Variants in MYO18B observed in about 807,000 individuals in gnomAD.
The protein encoded by MYO18B is unconventional myosin-XVIIIb.
A neutral mutation model predicts 273.0 loss-of-function variants in MYO18B; 204 were observed. That is an observed-to-expected ratio of 0.75 (90% CI 0.67 to 0.84). MYO18B has a LOEUF of 0.84. MYO18B is among the 40% of genes least tolerant of loss of function. The pLI is 0.00. For synonymous variants in MYO18B, 1,330 were observed against 1,305.7 expected (o/e 1.02, Z -0.40); for missense variants, 3,212 against 3,287.6 (o/e 0.98, Z 0.56).
intron 39 of MYO18B, among the ~76,000 whole-genome samples, chr22:25,955,676 C>A (rs559774380): frequency 1.3e-5 from 2 of 152,178 alleles, no homozygotes; most frequent in Non-Finnish European, 2.9e-5. Context: ...GGCAGGAAGG[C>A]CTCATACAAA....
intron 7 of MYO18B, among the ~76,000 whole-genome samples, chr22:25,773,715 G>A (rs900814149): frequency 2.6e-5 from 4 of 152,112 alleles, no homozygotes; most frequent in African/African-American, 4.8e-5. Context: ...CGCCCGCCTC[G>A]GCCTCCCAAA....
At chr22:25,907,540 C>T (rs555309991) in intron 31 of MYO18B, among the ~76,000 whole-genome samples, 7 of 152,142 alleles carry the variant, frequency 4.6e-5, no homozygotes, top group South Asian at 2.1e-4. Context: ...CATTCTAAGA[C>T]GGTTGTTTTC....
At chr22:26,003,339 C>T in intron 41 of MYO18B, 30 bp downstream of exon 41, 1 of 1,590,672 alleles carries the variant, frequency 6.3e-7, no homozygotes, top group Non-Finnish European at 8.6e-7. Flanking sequence ...AACTGAGCAG[C>T]TCACAAGGGT....
At chr22:25,810,766 C>T (rs1044366711) in intron 12 of MYO18B, among the ~76,000 whole-genome samples, 2 of 151,946 alleles carry the variant, frequency 1.3e-5, no homozygotes, top group African/African-American at 4.8e-5. Context: ...TTTAGATTTA[C>T]AGAACAATTG....
chr22:25,941,164 A>C (rs1450936708), intron 34 of MYO18B, among the ~76,000 whole-genome samples: 1 of 152,226 alleles, frequency 6.6e-6, no homozygotes, highest in Non-Finnish European at 1.5e-5. Context: ...AAATCAAATC[A>C]GATGTGTTGT....
chr22:25,794,893 C>G (rs1195778054), intron 11 of MYO18B, among the ~76,000 whole-genome samples: 1 of 152,170 alleles, frequency 6.6e-6, no homozygotes, highest in African/African-American at 2.4e-5. Flanking sequence ...CCTTTGAGCC[C>G]CCTCCCAGGC....
At chr22:26,003,387 C>A in intron 41 of MYO18B, 78 bp downstream of exon 41, 2 of 1,244,284 alleles carry the variant, frequency 1.6e-6, no homozygotes, top group Non-Finnish European at 2.3e-6. Context: ...GCAGAGGGAA[C>A]ATCCATGTCC....
Position 25,835,925 on chromosome 22 carries a change from G to A in MYO18B, c.3208+482G>A, listed in dbSNP as rs1419994974. Among the ~76,000 whole-genome samples the A allele has an allele frequency of 4.6e-5, 7 of 152,242 alleles. No homozygotes were observed. The East Asian group carries it at 1.2e-3, about 25-fold the overall frequency. Reference sequence around the variant, plus strand: ...GGTCTTAACCCTAGAGCAACGAGAAGCCATGAAGGATTCCAGGCAGTGGGA... The same window carrying A: ...GGTCTTAACCCTAGAGCAACGAGAAACCATGAAGGATTCCAGGCAGTGGGA... On this transcript the variant is annotated intron_variant, in intron 17 of 43. Coordinates refer to ENST00000335473, the MANE Select transcript of MYO18B (RefSeq NM_032608.7).
intron 1 of MYO18B, among the ~76,000 whole-genome samples, chr22:25,745,156 C>T (rs2085740417): frequency 1.3e-5 from 2 of 152,196 alleles, no homozygotes; most frequent in African/African-American, 4.8e-5. Context: ...ATCACCCAGG[C>T]TGGTGTGCAG....
At chr22:25,789,060 TCTCCTCCTCCTCCTC>T (rs1248591466) in intron 11 of MYO18B, among the ~76,000 whole-genome samples, 2 of 18,306 alleles carry the variant, frequency 1.1e-4, no homozygotes, top group Non-Finnish European at 9.4e-4. Context: ...TTCTTCTCTT[TCTCCTCCTCCTCCTC>T]CTTCTTCTTC....
intron 20 of MYO18B, among the ~76,000 whole-genome samples, chr22:25,848,532 G>T (rs2090327068): frequency 6.6e-6 from 1 of 152,336 alleles, no homozygotes; most frequent in African/African-American, 2.4e-5. Context: ...CACCAGCGCA[G>T]GCTGGGAATG....
At chr22:25,852,833 T>C (rs1324113078) in intron 21 of MYO18B, among the ~76,000 whole-genome samples, 1 of 152,242 alleles carries the variant, frequency 6.6e-6, no homozygotes, top group Non-Finnish European at 1.5e-5. Flanking sequence ...GCTGTGTGAA[T>C]GTAAACTGGT....
rs542691610 is a variant in MYO18B, at chr22:25,895,616, C to T, written c.4668+336C>T. On this transcript the variant is annotated intron_variant, in intron 28 of 43. Transcript: ENST00000335473. Reference sequence around the variant, plus strand: ...TTCTTATCTATTACATAATTATCAGCGGTCTCAAAACCTTCACATTTCCCT... The same window carrying T: ...TTCTTATCTATTACATAATTATCAGTGGTCTCAAAACCTTCACATTTCCCT... 6.4e-5 allele frequency: 12 copies of T among 187,810 alleles called. No homozygotes were observed. In the South Asian group the frequency reaches 1.2e-3, roughly 19 times the overall value. 11.6% of individuals were successfully genotyped at this position (187,810 alleles called of 1,614,324 possible).
the MYO18B span, among the ~76,000 whole-genome samples, chr22:26,043,539 C>T: frequency 7.8e-4 from 93 of 119,342 alleles, 1 homozygote; most frequent in African/African-American, 2.5e-3. Flanking sequence ...GAGATGGAGT[C>T]TTGTTCTGTT....
rs369894760 is a variant in MYO18B, at chr22:26,026,859, C to T, written c.6885C>T (p.Gly2295=). 267 of 1,594,280 alleles carry T rather than the reference C, an allele frequency of 1.7e-4. No individual in the cohort carries two copies. The highest frequency in any genetic ancestry group is 2.1e-4 in the Non-Finnish European group (246 of 1,170,244). Residue 2295 remains glycine, a synonymous_variant, in exon 43 of 44, where the codon GGC becomes GGT. Coordinates refer to ENST00000335473, the MANE Select transcript of MYO18B (RefSeq NM_032608.7). ...CCACACTAAGGAGGGGCAGGGCTGG[C>T]AGTGACGAGGGAAACCTCTCGCTGA... The part of the protein sequence containing the change: ...GASTLRRGRA[G]SDEGNLSLRV...
At chr22:25,844,364 C>CTG (rs34883672) in intron 18 of MYO18B, among the ~76,000 whole-genome samples, 36,887 of 151,168 alleles carry the variant, frequency 0.24, 5,121 homozygotes, top group Admixed American at 0.32. Flanking sequence ...TTGGAAAATG[C>CTG]TGTGTGTGTG....
At position 25,846,092 on chromosome 22, in the gene MYO18B, C is replaced by T. The variant is rs768106030; in HGVS notation, c.3369-8C>T. On this transcript the variant is annotated splice_polypyrimidine_tract_variant and splice_region_variant and intron_variant, in intron 18 of 43. Transcript: ENST00000335473. ...AAGCTCCTCTCTCTTTTCCCTCCTC[C>T]CCACCAGAGAGGAGCTGCGGAGTCT... 7 of 1,525,802 alleles carry T rather than the reference C, an allele frequency of 4.6e-6. No individual in the cohort carries two copies. The highest frequency in any genetic ancestry group is 6.1e-6 in the Non-Finnish European group (7 of 1,141,438). 94.5% of individuals were successfully genotyped at this position (1,525,802 alleles called of 1,614,324 possible). A position where few individuals can be genotyped will look rare whatever the true frequency, so the allele number is the denominator to read the frequency against.
At position 26,026,922 on chromosome 22, in the gene MYO18B, C is replaced by A; in HGVS notation, c.6948C>A (p.Ala2316=). The A allele has an allele frequency of 3.1e-6, 5 of 1,611,264 alleles. No individual in the cohort carries two copies. In the African/African-American group the frequency reaches 6.7e-5, roughly 22 times the overall value. Residue 2316 remains alanine (A), a synonymous_variant, in exon 43 of 44, where the codon GCC becomes GCA. Transcript: ENST00000335473. ...AGTCACCCCTGGAAATCGAAGGGGC[C>A]GCTGGTGGTCTCTTGAGGTCCACCA... The part of the protein sequence containing the change: ...GAKSPLEIEG[A]AGGLLRSTSL...
intron 42 of MYO18B, among the ~76,000 whole-genome samples, chr22:26,022,891 C>A (rs1486244785): frequency 6.6e-6 from 1 of 152,240 alleles, no homozygotes. Context: ...AGCTGGGAAC[C>A]TTCCTGGCTT....
Sources: gnomAD v4.1 joint callset for allele counts (sites outside exome capture counted in the v4.1 genomes callset) on GRCh38, gnomAD v4.1.1 for gene constraint, MANE v1.5 for transcripts, NCBI Gene and HGNC (gene_info 2026-07-23, HGNC 2026-07-21) for gene names.